GPR157: variants seen among roughly 807,000 people sequenced by gnomAD.
The protein encoded by GPR157 is G protein-coupled receptor 157.
A neutral mutation model predicts 23.5 loss-of-function variants in GPR157; 16 were observed. That is an observed-to-expected ratio of 0.68 (90% CI 0.46 to 1.04). GPR157 has a LOEUF of 1.04. GPR157 is among the 50% of genes least tolerant of loss of function. The pLI is 0.00. For missense variants in GPR157, 440 were observed against 460.7 expected (o/e 0.96, Z 0.41); for synonymous variants, 200 against 221.5 (o/e 0.90, Z 0.86).
chr1:9,104,126 G>A lies in GPR157; in HGVS notation c.*293C>T. 1 of 409,312 alleles carries A rather than the reference G, an allele frequency of 2.4e-6. No homozygotes were observed. Among genetic ancestry groups the A allele is most frequent in the South Asian group, 3.1e-5 (1 of 32,528 alleles). The allele number at this position is 409,312 out of a possible 1,614,324, so 25.4% of individuals were successfully genotyped here. ...AGGACATCAAGGTCCACTGGGTGGG[G>A]GCACTGTGGCCACAGCTGTGGGCCA... On this transcript the variant is annotated 3_prime_UTR_variant, in exon 4 of 4. Coordinates refer to ENST00000377411, the MANE Select transcript of GPR157 (RefSeq NM_024980.5).
chr1:9,119,319 C>T (rs1638753473), intron 1 of GPR157, among the ~76,000 whole-genome samples: 1 of 152,132 alleles, frequency 6.6e-6, no homozygotes, highest in South Asian at 2.1e-4. Flanking sequence ...AGACGTGAAC[C>T]ACAATGACCG....
chr1:9,106,638 C>G (rs1367833533), intron 2 of GPR157, among the ~76,000 whole-genome samples: 1 of 152,232 alleles, frequency 6.6e-6, no homozygotes, highest in Non-Finnish European at 1.5e-5. Flanking sequence ...GCTCAAGCAG[C>G]ACCTTCTGGA....
rs1314673058 is a variant in GPR157 at position 9,102,777 on chromosome 1, G to A, written c.*1642C>T. ...TCTGAAATAAGACGAAAGCGTTTGT[G>A]GAAGACCCACAGAATAAAAATAGAG... On this transcript the variant is annotated 3_prime_UTR_variant, in exon 4 of 4. Coordinates refer to ENST00000377411, the MANE Select transcript of GPR157 (RefSeq NM_024980.5). 1.3e-5 allele frequency: 2 copies of A among 152,104 alleles called. No homozygotes were observed. Among genetic ancestry groups the A allele is most frequent in the East Asian group, 3.9e-4 (2 of 5,184 alleles). 9.4% of individuals were successfully genotyped at this position (152,104 alleles called of 1,614,324 possible). A position where few individuals can be genotyped will look rare whatever the true frequency, so the allele number is the denominator to read the frequency against.
In GPR157 at chr1:9,128,376, C is replaced by T. The variant is rs978687318; in HGVS notation, c.383+269G>A. 14 of 682,088 alleles carry T rather than the reference C, an allele frequency of 2.1e-5. No homozygotes were observed. The highest frequency in any genetic ancestry group is 1.0e-4 in the Admixed American group (5 of 49,242). The allele number at this position is 682,088 out of a possible 1,614,324, so 42.3% of individuals were successfully genotyped here. ...TCCTCCCCAGCCCCGTCCAAGGAAA[C>T]AGGGCCCGGCTCTGGGGGCGAACTC... On this transcript the variant is annotated intron_variant, in intron 1 of 3. Coordinates refer to ENST00000377411, the MANE Select transcript of GPR157 (RefSeq NM_024980.5). This position sits in a 1 kb window ranked among gnomAD's most constrained non-coding sequence, Gnocchi z 6.3.
At chr1:9,106,126 C>G (rs960777642) in intron 2 of GPR157, among the ~76,000 whole-genome samples, 21 of 152,152 alleles carry the variant, frequency 1.4e-4, no homozygotes, top group African/African-American at 4.8e-4. Context: ...ATCTCAAACT[C>G]TTGAACTCAA....
In GPR157 at chr1:9,103,129, AC is replaced by A. The variant is rs1642587185; in HGVS notation, c.*1289del. On this transcript the variant is annotated 3_prime_UTR_variant, in exon 4 of 4. Transcript: ENST00000377411. ...TAAAAAAAAAAAAAAAAAAAAACTG[AC>A]TCTGAAGCTTAAAACCTTCACCTTT... is the stretch of plus-strand genomic sequence containing the variant. 1 of 139,032 alleles carries A rather than the reference AC, an allele frequency of 7.2e-6. No homozygotes were observed. The highest frequency in any genetic ancestry group is 2.3e-4 in the South Asian group (1 of 4,332). 8.6% of individuals were successfully genotyped at this position (139,032 alleles called of 1,614,324 possible).
intron 1 of GPR157, among the ~76,000 whole-genome samples, chr1:9,125,985 T>C (rs1353992775): frequency 6.7e-6 from 1 of 148,332 alleles, no homozygotes; most frequent in African/African-American, 2.5e-5. Context: ...TTTTTTTTGA[T>C]ATGGAGACTT....
chr1:9,121,149 A>G (rs888728166), intron 1 of GPR157, among the ~76,000 whole-genome samples: 3 of 152,212 alleles, frequency 2.0e-5, no homozygotes, highest in African/African-American at 4.8e-5. Context: ...CCTGGCCAAC[A>G]TGGTAAAATC....
chr1:9,101,320 T>C lies in GPR157; in HGVS notation c.*3099A>G, dbSNP rs1168604762. Reference sequence around the variant, plus strand: ...ATCTGCCCACCTTGGTCTCCCAAAGTGCTGGGATTACAGGCGTGAGCCACT... The same window carrying C: ...ATCTGCCCACCTTGGTCTCCCAAAGCGCTGGGATTACAGGCGTGAGCCACT... On this transcript the variant is annotated 3_prime_UTR_variant, in exon 4 of 4. Transcript: ENST00000377411. 1.3e-5 allele frequency: 2 copies of C among 151,868 alleles called. No homozygotes were observed. The highest frequency in any genetic ancestry group is 2.9e-5 in the Non-Finnish European group (2 of 68,096). The allele number at this position is 151,868 out of a possible 1,614,324, so 9.4% of individuals were successfully genotyped here.
intron 1 of GPR157, among the ~76,000 whole-genome samples, chr1:9,115,897 T>C (rs1433450109): frequency 6.7e-6 from 1 of 150,074 alleles, no homozygotes; most frequent in African/African-American, 2.5e-5. Context: ...TTACAGATTG[T>C]CTACCGCTGC....
intron 1 of GPR157, 146 bp from the exon 2 acceptor site, chr1:9,111,635 G>T (rs1356382625): frequency 1.6e-6 from 1 of 644,984 alleles, no homozygotes; most frequent in African/African-American, 1.8e-5. Context: ...AAATAAGAAG[G>T]GGTAGGTGTT....
At chr1:9,116,673 C>T (rs182309897) in intron 1 of GPR157, among the ~76,000 whole-genome samples, 45 of 148,904 alleles carry the variant, frequency 3.0e-4, no homozygotes, top group African/African-American at 1.0e-3. Flanking sequence ...TTGATTGAAC[C>T]GGGGAGGTGG....
At chr1:9,127,859 G>A (rs977779598) in intron 1 of GPR157, among the ~76,000 whole-genome samples, 1 of 152,170 alleles carries the variant, frequency 6.6e-6, no homozygotes, top group African/African-American at 2.4e-5. Context: ...GCACAGCACA[G>A]GACGCCATGA....
intron 1 of GPR157, among the ~76,000 whole-genome samples, chr1:9,125,001 G>A (rs376190402): frequency 1.6e-3 from 248 of 152,082 alleles, no homozygotes; most frequent in African/African-American, 5.7e-3. Context: ...TGTTGGCACC[G>A]CGGGCGACCC....
At chr1:9,109,833 G>C (rs1295295923) in intron 2 of GPR157, among the ~76,000 whole-genome samples, 1 of 152,158 alleles carries the variant, frequency 6.6e-6, no homozygotes, top group Admixed American at 6.6e-5. Context: ...TAAAGGTCTT[G>C]ACGCGAGAAG....
chr1:9,123,409 T>C (rs1167685650), intron 1 of GPR157, among the ~76,000 whole-genome samples: 3 of 89,164 alleles, frequency 3.4e-5, no homozygotes, highest in Non-Finnish European at 5.7e-5. Context: ...ATATTTAATT[T>C]AAATACATAT....
In GPR157 at chr1:9,105,341, G is replaced by C. The variant is rs1638266163; in HGVS notation, c.792+145C>G. On this transcript the variant is annotated intron_variant, in intron 3 of 3. Coordinates refer to ENST00000377411, the MANE Select transcript of GPR157 (RefSeq NM_024980.5). The surrounding 1 kb of genome is among the most constrained non-coding windows in gnomAD (Gnocchi z 4.8). Reference sequence around the variant, plus strand: ...TTCAAGGTCCTGTCTCAGGCAGAGAGGAAGGCACAGCACAGTGGGGCCGAG... The same window carrying C: ...TTCAAGGTCCTGTCTCAGGCAGAGACGAAGGCACAGCACAGTGGGGCCGAG... 1.4e-6 allele frequency: 1 copy of C among 691,844 alleles called. No individual in the cohort carries two copies. The highest frequency in any genetic ancestry group is 3.0e-5 in the Admixed American group (1 of 33,184). The allele number at this position is 691,844 out of a possible 1,614,324, so 42.9% of individuals were successfully genotyped here. A position where few individuals can be genotyped will look rare whatever the true frequency, so the allele number is the denominator to read the frequency against.
chr1:9,115,651 C>G (rs906177566), intron 1 of GPR157, among the ~76,000 whole-genome samples: 2 of 152,140 alleles, frequency 1.3e-5, no homozygotes, highest in African/African-American at 4.8e-5. Flanking sequence ...TGTCTCTTCT[C>G]CTTACCTCTT....
intron 1 of GPR157, among the ~76,000 whole-genome samples, chr1:9,121,999 C>T (rs539552306): frequency 7.2e-5 from 11 of 152,210 alleles, no homozygotes; most frequent in Admixed American, 2.6e-4. Flanking sequence ...ACAGGCCATA[C>T]AGCTGATGCC....
Sources: allele counts gnomAD v4.1 joint callset (sites outside exome capture counted in the v4.1 genomes callset), GRCh38; gene constraint gnomAD v4.1.1; non-coding constraint Gnocchi (gnomAD v3.1); transcripts MANE v1.5; gene names NCBI Gene and HGNC (gene_info 2026-07-23, HGNC 2026-07-21).